Variants in UBE3A observed in about 807,000 individuals in gnomAD.
The protein encoded by UBE3A is ubiquitin protein ligase E3A.
UBE3A carries 6 observed loss-of-function variants against 83.4 expected under a neutral mutation model. The observed-to-expected ratio is 0.07, with a 90% CI of 0.04 to 0.14. The LOEUF is 0.14. Among genes scored for constraint, UBE3A ranks in the 10% least tolerant of loss-of-function variants. The pLI is 1.00. For missense variants in UBE3A, 456 were observed against 1,036.1 expected (o/e 0.44, Z 7.69); for synonymous variants, 337 against 355.4 (o/e 0.95, Z 0.58).
chr15:25,357,346 C>T (rs2077362679), intron 7 of UBE3A: 1 of 156,242 alleles, frequency 6.4e-6, no homozygotes, highest in Admixed American at 6.4e-5. Context: ...TTTTTGAAAA[C>T]AATTTTTCAT....
At chr15:25,436,228 T>C (rs1274696560) in intron 1 of UBE3A, among the ~76,000 whole-genome samples, 1 of 152,200 alleles carries the variant, frequency 6.6e-6, no homozygotes, top group Non-Finnish European at 1.5e-5. Flanking sequence ...CTTCATCCAG[T>C]ATTTTACCGA....
intron 1 of UBE3A, chr15:25,418,169 G>C (rs1887878290): frequency 6.6e-6 from 1 of 152,078 alleles, no homozygotes; most frequent in East Asian, 1.9e-4. Context: ...AAATATGGTG[G>C]TATAATCTTA....
Position 25,367,705 on chromosome 15 carries a change from G to A in UBE3A, c.1608+2861C>T, listed in dbSNP as rs1045282397. Among the ~76,000 whole-genome samples the A allele has an allele frequency of 3.9e-5, 6 of 152,022 alleles. No homozygotes were observed. The East Asian group carries it at 1.2e-3, about 29-fold the overall frequency. On this transcript the variant is annotated intron_variant, in intron 6 of 12. Transcript: ENST00000648336. The stretch of plus-strand genomic sequence containing the variant: ...AATGATAGTGTTTCCTACAATCAGA[G>A]ATTAGTGAAAATACTATCAACATGA...
chr15:25,403,388 T>C (rs777174371), intron 4 of UBE3A, among the ~76,000 whole-genome samples: 5 of 152,148 alleles, frequency 3.3e-5, no homozygotes, highest in Non-Finnish European at 5.9e-5. Flanking sequence ...GTCACTAACC[T>C]ACAGTAACAT....
At position 25,355,372 on chromosome 15, in the gene UBE3A, C is replaced by A. The variant is rs151216650; in HGVS notation, c.2124+520G>T. ...AATCAAAAAATTATATCAATATAAA[C>A]ATGTTTCTTAAAGGTATACTATATA... is the stretch of plus-strand genomic sequence containing the variant. On this transcript the variant is annotated intron_variant, in intron 9 of 12. Coordinates refer to ENST00000648336, the MANE Select transcript of UBE3A (RefSeq NM_130839.5). 5.0e-3 allele frequency among the ~76,000 whole-genome samples: 755 copies of A among 152,136 alleles called. 7 individuals carry two copies. The highest frequency in any genetic ancestry group is 0.018 in the African/African-American group (728 of 41,518).
Position 25,345,063 on chromosome 15 carries a change from C to T in UBE3A, c.2355-4835G>A, listed in dbSNP as rs571225362. Reference sequence around the variant, plus strand: ...CATTATCTACAACAAAACCATGAACCATTGCATATAATTGGACAGAAACAA... The same window carrying T: ...CATTATCTACAACAAAACCATGAACTATTGCATATAATTGGACAGAAACAA... On this transcript the variant is annotated intron_variant, in intron 11 of 12. Coordinates refer to ENST00000648336, the MANE Select transcript of UBE3A (RefSeq NM_130839.5). Among the ~76,000 whole-genome samples the T allele has an allele frequency of 2.0e-5, 3 of 152,064 alleles. No individual in the cohort carries two copies. The East Asian group carries it at 5.8e-4, about 29-fold the overall frequency.
Position 25,338,561 on chromosome 15 carries a change from T to TG in UBE3A, c.*575dup, listed in dbSNP as rs1406936779. 6.6e-6 allele frequency: 1 copy of TG among 152,078 alleles called. No homozygotes were observed. The highest frequency in any genetic ancestry group is 1.5e-5 in the Non-Finnish European group (1 of 67,972). The allele number at this position is 152,078 out of a possible 1,614,324, so 9.4% of individuals were successfully genotyped here. Reference sequence around the variant, plus strand: ...TCAAGATTTTGCACAGAAAACTCTTTGGGGGCTAGAACAGCAGTAATTGCA... The same window carrying TG: ...TCAAGATTTTGCACAGAAAACTCTTTGGGGGGCTAGAACAGCAGTAATTGCA... On this transcript the variant is annotated 3_prime_UTR_variant, in exon 13 of 13. Coordinates refer to ENST00000648336, the MANE Select transcript of UBE3A (RefSeq NM_130839.5).
chr15:25,357,319 CTG>C (rs1484606214), intron 7 of UBE3A: 1 of 159,244 alleles, frequency 6.3e-6, no homozygotes, highest in African/African-American at 2.4e-5. Flanking sequence ...TTACTTATAT[CTG>C]TACCACACGT....
chr15:25,385,550 T>C (rs1334054464), intron 4 of UBE3A, among the ~76,000 whole-genome samples: 1 of 151,988 alleles, frequency 6.6e-6, no homozygotes, highest in Non-Finnish European at 1.5e-5. Context: ...CCTCAAAAAA[T>C]TTGAAATAGA....
At chr15:25,348,594 A>T (rs111559794) in intron 11 of UBE3A, among the ~76,000 whole-genome samples, 2,087 of 152,320 alleles carry the variant, frequency 0.014, 22 homozygotes, top group Non-Finnish European at 0.021. Flanking sequence ...AATCTACTAA[A>T]TAACTACTAG....
chr15:25,355,112 C>T (rs939283310), intron 9 of UBE3A, among the ~76,000 whole-genome samples: 2 of 152,116 alleles, frequency 1.3e-5, no homozygotes, highest in Admixed American at 6.5e-5. Flanking sequence ...GGTATGTAAA[C>T]AGACACATTT....
intron 11 of UBE3A, among the ~76,000 whole-genome samples, chr15:25,353,578 GTAATATAAAAA>G (rs1052880182): frequency 6.6e-6 from 1 of 152,148 alleles, no homozygotes; most frequent in African/African-American, 2.4e-5. Context: ...AGGGTCAACT[GTAATATAAAAA>G]TAACATTTAT....
chr15:25,381,779 C>T (rs570252128), intron 4 of UBE3A, among the ~76,000 whole-genome samples: 17 of 152,138 alleles, frequency 1.1e-4, no homozygotes, highest in African/African-American at 4.1e-4. Context: ...TAGTTCTAGG[C>T]CTTGTAGAAA....
chr15:25,371,476 A>G lies in UBE3A; in HGVS notation c.698T>C (p.Ile233Thr). ...KLGPDDVSVD[I>T]DAIRRVYTRL... ...GGTGTAGACCCTTCTAATGGCATCAATATCCACAGACACATCATCAGGGCC... is the reference window on the plus strand; with the variant it reads ...GGTGTAGACCCTTCTAATGGCATCAGTATCCACAGACACATCATCAGGGCC... Residue 233 changes from isoleucine (I) to threonine (T), a missense_variant, in exon 6 of 13, where the codon ATT (isoleucine) becomes ACT (threonine). Physicochemically the swap from Ile to Thr is moderately conservative, Grantham distance 89. Transcript: ENST00000648336. The surrounding 1 kb of genome is among the most constrained non-coding windows in gnomAD (Gnocchi z 5.3). The G allele has an allele frequency of 6.2e-7, 1 of 1,614,046 alleles. No homozygotes were observed. The highest frequency in any genetic ancestry group is 8.5e-7 in the Non-Finnish European group (1 of 1,180,026).
At position 25,335,175 on chromosome 15, in the gene UBE3A, C is replaced by T. The variant is rs550376695; in HGVS notation, c.*3962G>A. On this transcript the variant is annotated 3_prime_UTR_variant, in exon 13 of 13. Transcript: ENST00000648336. Reference sequence around the variant, plus strand: ...CCTCACTGTTCAACTAAGAAATGTACCCCATTATGCTGTGCTACCACGGAA... The same window carrying T: ...CCTCACTGTTCAACTAAGAAATGTATCCCATTATGCTGTGCTACCACGGAA... The T allele has an allele frequency of 3.3e-5, 5 of 152,260 alleles. No individual in the cohort carries two copies. The South Asian group carries it at 8.3e-4, about 25-fold the overall frequency. The allele number at this position is 152,260 out of a possible 1,614,324, so 9.4% of individuals were successfully genotyped here.
chr15:25,362,330 C>G (rs1025329473), intron 6 of UBE3A, among the ~76,000 whole-genome samples: 1 of 152,188 alleles, frequency 6.6e-6, no homozygotes, highest in Non-Finnish European at 1.5e-5. Context: ...TTAGGCCACA[C>G]AGTTTACTTT....
intron 11 of UBE3A, among the ~76,000 whole-genome samples, chr15:25,345,459 A>AT (rs2075521163): frequency 6.6e-6 from 1 of 152,128 alleles, no homozygotes; most frequent in Admixed American, 6.5e-5. Context: ...ACAAGGGCAT[A>AT]TTTTTGACCA....
intron 11 of UBE3A, among the ~76,000 whole-genome samples, chr15:25,348,275 C>A (rs1394670976): frequency 2.0e-5 from 3 of 151,836 alleles, no homozygotes; most frequent in African/African-American, 7.3e-5. Context: ...GTGAAAAAAA[C>A]AATTCAATGA....
intron 7 of UBE3A, among the ~76,000 whole-genome samples, chr15:25,359,520 C>T (rs1379922956): frequency 6.7e-6 from 1 of 150,304 alleles, no homozygotes; most frequent in African/African-American, 2.4e-5. Flanking sequence ...TATAACAGCT[C>T]AAATCTCAAA....
Sources: gnomAD v4.1 joint callset for allele counts (sites outside exome capture counted in the v4.1 genomes callset) on GRCh38, gnomAD v4.1.1 for gene constraint, Gnocchi (gnomAD v3.1) non-coding constraint, MANE v1.5 for transcripts, NCBI Gene and HGNC (gene_info 2026-07-23, HGNC 2026-07-21) for gene names.